The following ERBB4 variants were observed in gnomAD, a reference collection of about 807,000 sequenced individuals.
The protein encoded by ERBB4 is receptor tyrosine-protein kinase erbB-4.
Under a neutral mutation model 158.0 loss-of-function variants are expected in ERBB4, and 42 were observed. The ratio of observed to expected loss-of-function variants is 0.27; its 90% confidence interval spans 0.21 to 0.34. ERBB4 has a LOEUF of 0.34. Among genes scored for constraint, ERBB4 ranks in the 10% least tolerant of loss-of-function variants. The pLI, the probability that ERBB4 is intolerant of heterozygous loss-of-function variation, is 1.00. For synonymous variants in ERBB4, 583 were observed against 558.7 expected (o/e 1.04, Z -0.61); for missense variants, 1,333 against 1,624.1 (o/e 0.82, Z 3.08).
At chr2:211,629,466 C>A (rs1161539340) in intron 17 of ERBB4, among the ~76,000 whole-genome samples, 11 of 151,994 alleles carry the variant, frequency 7.2e-5, no homozygotes, top group Admixed American at 4.6e-4. Context: ...AAATGGCCAT[C>A]CTGCCCAAGG....
chr2:211,614,634 C>T (rs566274478), intron 19 of ERBB4, among the ~76,000 whole-genome samples: 3 of 152,146 alleles, frequency 2.0e-5, no homozygotes, highest in Admixed American at 6.6e-5. Flanking sequence ...AAGCCATACA[C>T]ATGAAATTTT....
chr2:211,467,401 G>A (rs563002579), intron 20 of ERBB4, among the ~76,000 whole-genome samples: 2 of 152,216 alleles, frequency 1.3e-5, no homozygotes, highest in Non-Finnish European at 2.9e-5. Flanking sequence ...ATCTGTAAAA[G>A]CACAATGTAA....
chr2:211,469,962 T>C (rs924133564), intron 20 of ERBB4, among the ~76,000 whole-genome samples: 3 of 152,028 alleles, frequency 2.0e-5, no homozygotes, highest in Admixed American at 1.3e-4. Context: ...GAGAGATACC[T>C]GAGGAATTGG....
chr2:212,295,794 A>C (rs2086389132), intron 1 of ERBB4, among the ~76,000 whole-genome samples: 1 of 152,044 alleles, frequency 6.6e-6, no homozygotes, highest in Non-Finnish European at 1.5e-5. Context: ...CAAATGATAC[A>C]TTTGGACAAT....
At chr2:212,213,214 T>C (rs895716347) in intron 1 of ERBB4, among the ~76,000 whole-genome samples, 2 of 107,548 alleles carry the variant, frequency 1.9e-5, no homozygotes, top group African/African-American at 7.0e-5. Context: ...TTAAACAAAT[T>C]TACAAGAAAA....
chr2:211,978,615 T>C (rs1036762573), intron 2 of ERBB4, among the ~76,000 whole-genome samples: 3 of 152,154 alleles, frequency 2.0e-5, no homozygotes, highest in Non-Finnish European at 2.9e-5. Context: ...TAAATGACTA[T>C]CTTCTGATCA....
At chr2:212,020,289 A>G (rs1019536644) in intron 2 of ERBB4, among the ~76,000 whole-genome samples, 5 of 152,206 alleles carry the variant, frequency 3.3e-5, no homozygotes, top group African/African-American at 9.6e-5. Context: ...AATAGACTCA[A>G]TATGCTAGGA....
chr2:211,502,241 T>C (rs1166424166), intron 20 of ERBB4, among the ~76,000 whole-genome samples: 1 of 152,152 alleles, frequency 6.6e-6, no homozygotes, highest in African/African-American at 2.4e-5. Flanking sequence ...GCTCATAACA[T>C]ACTTCTATGG....
At chr2:211,657,200 G>A (rs561040517) in intron 16 of ERBB4, among the ~76,000 whole-genome samples, 31 of 152,076 alleles carry the variant, frequency 2.0e-4, no homozygotes, top group Non-Finnish European at 4.3e-4. Context: ...TCAAAATCCT[G>A]TTTAGACTAC....
chr2:211,821,718 C>G (rs1220155021), intron 3 of ERBB4, among the ~76,000 whole-genome samples: 1 of 152,014 alleles, frequency 6.6e-6, no homozygotes, highest in Admixed American at 6.6e-5. Flanking sequence ...CTACAGCTAT[C>G]TGACTTTTGA....
At chr2:211,445,112 A>G (rs567873710) in intron 20 of ERBB4, among the ~76,000 whole-genome samples, 1 of 152,130 alleles carries the variant, frequency 6.6e-6, no homozygotes, top group Non-Finnish European at 1.5e-5. Context: ...AAGCGCCAAA[A>G]TTAAGTGTCT....
chr2:212,108,729 C>G, intron 2 of ERBB4, among the ~76,000 whole-genome samples: 1 of 49,340 alleles, frequency 2.0e-5, no homozygotes, highest in South Asian at 7.5e-4. Context: ...TTTTTTTTTT[C>G]AGAACCAAAG....
chr2:212,342,435 T>C (rs2008524), intron 1 of ERBB4, among the ~76,000 whole-genome samples: 8,796 of 152,222 alleles, frequency 0.058, 852 homozygotes, highest in African/African-American at 0.2. Flanking sequence ...CCTGCCACCA[T>C]GTAAGATGTG....
intron 1 of ERBB4, among the ~76,000 whole-genome samples, chr2:212,140,842 C>A (rs1421118590): frequency 1.5e-5 from 2 of 135,076 alleles, no homozygotes; most frequent in South Asian, 5.1e-4. Flanking sequence ...GACTAGGAAA[C>A]ATGAGTGTGT....
chr2:211,718,803 A>G (rs2074004866), intron 7 of ERBB4, among the ~76,000 whole-genome samples: 2 of 152,364 alleles, frequency 1.3e-5, no homozygotes, highest in South Asian at 4.1e-4. Context: ...TCAGAGTAGA[A>G]TGACCAGAAT....
chr2:212,208,991 A>G (rs1207110039), intron 1 of ERBB4, among the ~76,000 whole-genome samples: 1 of 152,150 alleles, frequency 6.6e-6, no homozygotes, highest in Non-Finnish European at 1.5e-5. Flanking sequence ...TATGTATTTT[A>G]TTGGATAAAA....
intron 3 of ERBB4, among the ~76,000 whole-genome samples, chr2:211,819,934 C>G (rs2076958490): frequency 1.3e-5 from 2 of 151,822 alleles, no homozygotes; most frequent in African/African-American, 4.8e-5. Context: ...CCATGCATCA[C>G]ACTTAAATAA....
At chr2:211,532,779 T>A (rs960974550) in intron 20 of ERBB4, among the ~76,000 whole-genome samples, 10 of 151,886 alleles carry the variant, frequency 6.6e-5, no homozygotes, top group Admixed American at 5.9e-4. Context: ...GAGTGTTTAA[T>A]CTTGCATTTT....
chr2:211,637,571 C>T (rs189741164), intron 16 of ERBB4, among the ~76,000 whole-genome samples: 1 of 151,770 alleles, frequency 6.6e-6, no homozygotes, highest in Non-Finnish European at 1.5e-5. Flanking sequence ...AAACCAAAGG[C>T]TTTTTTGATC....
Sources: allele counts gnomAD v4.1 joint callset (sites outside exome capture counted in the v4.1 genomes callset), GRCh38; gene constraint gnomAD v4.1.1; transcripts MANE v1.5; gene names NCBI Gene and HGNC (gene_info 2026-07-23, HGNC 2026-07-21).